The following ACVR1 variants were observed in gnomAD, a reference collection of about 807,000 sequenced individuals.
The protein encoded by ACVR1 is activin A receptor type 1.
A neutral mutation model predicts 57.1 loss-of-function variants in ACVR1; 38 were observed. The observed-to-expected ratio is 0.67, with a 90% CI of 0.51 to 0.87. ACVR1 has a LOEUF of 0.87. ACVR1 is among the 40% of genes least tolerant of loss of function. The pLI is 0.00. For missense variants in ACVR1, 463 were observed against 638.2 expected (o/e 0.73, Z 2.96); for synonymous variants, 212 against 228.1 (o/e 0.93, Z 0.63).
intron 3 of ACVR1, among the ~76,000 whole-genome samples, chr2:157,793,761 A>T (rs1486644168): frequency 6.6e-6 from 1 of 152,164 alleles, no homozygotes; most frequent in Non-Finnish European, 1.5e-5. Context: ...AATCCCTAAT[A>T]ATGAGAAAAT....
In ACVR1 at chr2:157,736,577, T is replaced by C. The variant is rs1684540263; in HGVS notation, c.*954A>G. 1 of 295,040 alleles carries C rather than the reference T, an allele frequency of 3.4e-6. No individual in the cohort carries two copies. The highest frequency in any genetic ancestry group is 6.2e-6 in the Non-Finnish European group (1 of 160,424). The allele number at this position is 295,040 out of a possible 1,614,324, so 18.3% of individuals were successfully genotyped here. A position where few individuals can be genotyped will look rare whatever the true frequency, so the allele number is the denominator to read the frequency against. On this transcript the variant is annotated 3_prime_UTR_variant, in exon 11 of 11. Coordinates refer to ENST00000434821, the MANE Select transcript of ACVR1 (RefSeq NM_001111067.4). The stretch of plus-strand genomic sequence containing the variant: ...ATGGATAATTCTGAAGAAAATGCAT[T>C]TTCCCCGTAGCGTTCAGGACTAAAA...
chr2:157,767,505 C>A (rs1443823264), intron 7 of ACVR1, among the ~76,000 whole-genome samples: 1 of 151,910 alleles, frequency 6.6e-6, no homozygotes, highest in Non-Finnish European at 1.5e-5. Context: ...CGCTGGTAGA[C>A]AGTGAAGTTT....
chr2:157,748,770 C>A (rs1044608757), intron 9 of ACVR1, among the ~76,000 whole-genome samples: 6 of 152,146 alleles, frequency 3.9e-5, no homozygotes, highest in Non-Finnish European at 7.3e-5. Context: ...CACCTAAAGG[C>A]ATGCCAATTT....
intron 9 of ACVR1, among the ~76,000 whole-genome samples, chr2:157,760,213 T>C (rs1233994274): frequency 6.6e-6 from 1 of 152,114 alleles, no homozygotes; most frequent in Non-Finnish European, 1.5e-5. Flanking sequence ...CAGCCAGTTA[T>C]CACTCATATG....
At chr2:157,762,987 T>C (rs2105255660) in intron 8 of ACVR1, among the ~76,000 whole-genome samples, 1 of 152,314 alleles carries the variant, frequency 6.6e-6, no homozygotes, top group South Asian at 2.1e-4. Flanking sequence ...CTCAAGAGAC[T>C]GTGTGAGATA....
chr2:157,833,324 T>C (rs1216045589), intron 1 of ACVR1, among the ~76,000 whole-genome samples: 1 of 152,156 alleles, frequency 6.6e-6, no homozygotes, highest in African/African-American at 2.4e-5. Context: ...CAGACAAGCA[T>C]TACCCAAAAC....
chr2:157,808,378 T>C (rs543885029), intron 2 of ACVR1, among the ~76,000 whole-genome samples: 32 of 152,302 alleles, frequency 2.1e-4, no homozygotes, highest in African/African-American at 7.5e-4. Context: ...AAGTTTTATA[T>C]AGCCTAGCAA....
At chr2:157,855,141 C>T (rs1251584768) in intron 1 of ACVR1, among the ~76,000 whole-genome samples, 4 of 151,082 alleles carry the variant, frequency 2.6e-5, no homozygotes, top group Admixed American at 2.6e-4. Flanking sequence ...ACTGGCCAGG[C>T]ACAGTGGCTG....
intron 6 of ACVR1, among the ~76,000 whole-genome samples, chr2:157,772,934 T>C (rs1686127045): frequency 6.6e-6 from 1 of 152,214 alleles, no homozygotes; most frequent in Non-Finnish European, 1.5e-5. Flanking sequence ...TCTTCCTACC[T>C]CTGCCCTTCC....
At chr2:157,816,171 C>A (rs534286375) in intron 2 of ACVR1, among the ~76,000 whole-genome samples, 8 of 152,140 alleles carry the variant, frequency 5.3e-5, no homozygotes, top group African/African-American at 1.4e-4. Flanking sequence ...ATAAAAATAT[C>A]TGTATAAGAA....
At chr2:157,820,295 C>T (rs1027917192) in intron 1 of ACVR1, among the ~76,000 whole-genome samples, 17 of 152,162 alleles carry the variant, frequency 1.1e-4, no homozygotes, top group Admixed American at 8.5e-4. Flanking sequence ...AACTCGCACC[C>T]GCAAACCCTT....
chr2:157,870,834 T>C (rs1690094302), intron 1 of ACVR1, among the ~76,000 whole-genome samples: 1 of 152,208 alleles, frequency 6.6e-6, no homozygotes, highest in African/African-American at 2.4e-5. Flanking sequence ...AGAAGAGGTA[T>C]CAAAAGCAGT....
chr2:157,809,535 G>A (rs1687675985), intron 2 of ACVR1, among the ~76,000 whole-genome samples: 1 of 152,110 alleles, frequency 6.6e-6, no homozygotes, highest in African/African-American at 2.4e-5. Context: ...GACAGGGAGA[G>A]GAGGCAGGGA....
intron 1 of ACVR1, among the ~76,000 whole-genome samples, chr2:157,851,844 G>A (rs115748594): frequency 0.039 from 5,805 of 148,692 alleles, 170 homozygotes; most frequent in Non-Finnish European, 0.058. Context: ...ACTCCTGAGA[G>A]GGAGACAGAG....
chr2:157,865,529 C>A (rs1177832372), intron 1 of ACVR1, among the ~76,000 whole-genome samples: 1 of 152,108 alleles, frequency 6.6e-6, no homozygotes, highest in African/African-American at 2.4e-5. Flanking sequence ...CGGTGGTTCA[C>A]GCCTGTAATC....
At chr2:157,872,323 T>C (rs1180967130) in intron 1 of ACVR1, among the ~76,000 whole-genome samples, 1 of 152,260 alleles carries the variant, frequency 6.6e-6, no homozygotes, top group Non-Finnish European at 1.5e-5. Flanking sequence ...TTAACTTAAA[T>C]ACTGCTTCCA....
intron 1 of ACVR1, among the ~76,000 whole-genome samples, chr2:157,857,420 T>C (rs1012260159): frequency 1.3e-4 from 20 of 151,146 alleles, no homozygotes; most frequent in African/African-American, 4.8e-4. Context: ...AAGAAGAAGA[T>C]ACCCTTCCCC....
intron 9 of ACVR1, among the ~76,000 whole-genome samples, chr2:157,742,057 A>T (rs1335649166): frequency 6.6e-6 from 1 of 152,080 alleles, no homozygotes; most frequent in East Asian, 1.9e-4. Flanking sequence ...AAATAGGTGC[A>T]TGTGGTGGCA....
intron 1 of ACVR1, among the ~76,000 whole-genome samples, chr2:157,855,928 T>C (rs1426338331): frequency 1.3e-5 from 2 of 152,102 alleles, no homozygotes; most frequent in African/African-American, 4.8e-5. Context: ...CTAAATCTCT[T>C]CAATGACTAA....
Sources: allele counts gnomAD v4.1 joint callset (sites outside exome capture counted in the v4.1 genomes callset), GRCh38; gene constraint gnomAD v4.1.1; transcripts MANE v1.5; gene names NCBI Gene and HGNC (gene_info 2026-07-23, HGNC 2026-07-21).